The following MCRIP2 variants were observed in gnomAD, a reference collection of about 807,000 sequenced individuals.
MCRIP2 encodes the protein MAPK regulated co-repressor interacting protein 2.
In MCRIP2, 21 loss-of-function variants were observed where a neutral mutation model predicts 23.2. That is an observed-to-expected ratio of 0.90 (90% CI 0.64 to 1.30). MCRIP2 has a LOEUF of 1.30. MCRIP2 is among the 50% of genes most tolerant of loss of function. The pLI is 0.00. For missense variants in MCRIP2, 234 were observed against 223.2 expected (o/e 1.05, Z -0.31); for synonymous variants, 121 against 100.2 (o/e 1.21, Z -1.24).
At position 647,424 on chromosome 16, in the gene MCRIP2, C is replaced by A. The variant is rs142585690; in HGVS notation, c.190C>A (p.Pro64Thr). 2.5e-6 allele frequency: 4 copies of A among 1,613,476 alleles called. No homozygotes were observed. The highest frequency in any genetic ancestry group is 3.4e-6 in the Non-Finnish European group (4 of 1,179,968). Residue 64 changes from proline to threonine, a missense_variant, in exon 3 of 5, where the codon CCA becomes ACA. Physicochemically the swap from Pro to Thr is conservative, Grantham distance 38 (BLOSUM62 -1). Coordinates refer to ENST00000307650, the MANE Select transcript of MCRIP2 (RefSeq NM_138418.4). Reference protein sequence around the residue: ...PGPWPLSSPGPRLVFNRVNGR... With the variant: ...PGPWPLSSPGTRLVFNRVNGR... ...TCTCCTCCCTTCCTGCAGTCCAGGG[C>A]CAAGGCTTGTGTTCAATCGTGTGAA...
At chr16:644,192 C>T (rs2037419960) in intron 2 of MCRIP2, among the ~76,000 whole-genome samples, 1 of 152,232 alleles carries the variant, frequency 6.6e-6, no homozygotes, top group African/African-American at 2.4e-5. Context: ...AGCGATCCTC[C>T]TGCCTCAGCC....
intron 2 of MCRIP2, 55 bp downstream of exon 2, chr16:642,304 C>G (rs1413666567): frequency 8.8e-7 from 1 of 1,140,530 alleles, no homozygotes; most frequent in African/African-American, 1.6e-5. Context: ...CCCCCGCCGG[C>G]CGCCCTAGAG....
intron 2 of MCRIP2, chr16:642,982 C>G (rs1209295340): frequency 6.6e-6 from 1 of 152,582 alleles, no homozygotes. Flanking sequence ...GTGGTAGGGT[C>G]ATGGCCTGAG....
Sources: gnomAD v4.1 joint callset for allele counts (sites outside exome capture counted in the v4.1 genomes callset) on GRCh38, gnomAD v4.1.1 for gene constraint, MANE v1.5 for transcripts, NCBI Gene and HGNC (gene_info 2026-07-23, HGNC 2026-07-21) for gene names.